Variants in ATP11C observed in about 807,000 individuals in gnomAD.
ATP11C encodes ATPase phospholipid transporting 11C (ATP11C blood group).
Under a neutral mutation model 97.4 loss-of-function variants are expected in ATP11C, and 36 were observed. That is an observed-to-expected ratio of 0.37 (90% CI 0.28 to 0.49). ATP11C has a LOEUF of 0.49. ATP11C is among the 20% of genes least tolerant of loss of function. The pLI is 0.98. For synonymous variants in ATP11C, 275 were observed against 290.9 expected (o/e 0.95, Z 0.56); for missense variants, 730 against 824.6 (o/e 0.89, Z 1.40).
intron 5 of ATP11C, among the ~76,000 whole-genome samples, chrX:139,808,035 T>C (rs1389540076): frequency 9.2e-6 from 1 of 108,546 alleles, no homozygotes; most frequent in East Asian, 2.9e-4. Flanking sequence ...GAACGAAGAA[T>C]GCTGGCAGAG....
intron 1 of ATP11C, among the ~76,000 whole-genome samples, chrX:139,877,614 G>C (rs945429960): frequency 8.9e-6 from 1 of 112,102 alleles, no homozygotes; most frequent in Non-Finnish European, 1.9e-5. Context: ...TTGCGTCCCA[G>C]TGCGGCAGTG....
intron 25 of ATP11C, 46 bp from the exon 26 acceptor site, chrX:139,743,670 T>C (rs1258164530): frequency 7.7e-6 from 6 of 776,761 alleles, no homozygotes; most frequent in Non-Finnish European, 1.1e-5. Flanking sequence ...ATACAAGTAT[T>C]ATCTTAGTAT....
At chrX:139,818,199 C>CACT (rs2083328686) in intron 3 of ATP11C, among the ~76,000 whole-genome samples, 1 of 112,055 alleles carries the variant, frequency 8.9e-6, no homozygotes, top group Admixed American at 9.5e-5. Context: ...TGATAACTTA[C>CACT]ACTGTATACC....
chrX:139,798,594 C>T lies in ATP11C; in HGVS notation c.775+85G>A, dbSNP rs1603373717. The T allele has an allele frequency of 1.0e-5, 8 of 789,392 alleles. 1 individual carries two copies. The East Asian group carries it at 2.5e-4, about 25-fold the overall frequency. 65.1% of individuals were successfully genotyped at this position (789,392 alleles called of 1,213,427 possible). A position where few individuals can be genotyped will look rare whatever the true frequency, so the allele number is the denominator to read the frequency against. On this transcript the variant is annotated intron_variant, in intron 9 of 29. Coordinates refer to ENST00000682941, the MANE Select transcript of ATP11C (RefSeq NM_001353812.2). The stretch of plus-strand genomic sequence containing the variant: ...AGGTTTAAATTAAATGGCAAACCTG[C>T]CATGTTTACTTTTTAATATGCACTA...
chrX:139,781,162 C>T (rs1031031674), intron 18 of ATP11C, among the ~76,000 whole-genome samples: 1 of 111,529 alleles, frequency 9.0e-6, no homozygotes, highest in Admixed American at 9.5e-5. Flanking sequence ...AAGAGAAAAA[C>T]GATACTTTCC....
intron 1 of ATP11C, among the ~76,000 whole-genome samples, chrX:139,853,826 C>T (rs1762326651): frequency 1.5e-5 from 1 of 68,324 alleles, no homozygotes; most frequent in Non-Finnish European, 2.6e-5. Context: ...TCAGAACTAT[C>T]CTAAGTCAAA....
chrX:139,868,141 A>T (rs774969458), intron 1 of ATP11C, among the ~76,000 whole-genome samples: 1 of 111,924 alleles, frequency 8.9e-6, no homozygotes, highest in Non-Finnish European at 1.9e-5. Context: ...ACCATACATG[A>T]AAATCAACAC....
chrX:139,802,420 ATTTAG>A (rs1425792655), intron 6 of ATP11C, 81 bp from the exon 7 acceptor site: 5 of 553,489 alleles, frequency 9.0e-6, no homozygotes, highest in Non-Finnish European at 1.5e-5. Flanking sequence ...TCAGAAACAA[ATTTAG>A]TTTATGTTTT....
intron 2 of ATP11C, among the ~76,000 whole-genome samples, chrX:139,821,219 G>T (rs2083403089): frequency 8.9e-6 from 1 of 111,984 alleles, no homozygotes; most frequent in Non-Finnish European, 1.9e-5. Context: ...TGGAGTCCAA[G>T]AAGTTCCTTA....
At position 139,826,782 on chromosome X, in the gene ATP11C, A is replaced by G. The variant is rs750909003; in HGVS notation, c.69T>C (p.Phe23=). Residue 23 remains phenylalanine, a synonymous_variant, in exon 2 of 30, where the codon TTT becomes TTC. Transcript: ENST00000682941. ...EEKRVGTRTV[F]VGNHPVSETE... is the part of the protein sequence containing the mutation. ...TTTCCGAAACTGGATGATTGCCAAC[A>G]AACACTGTGCGTGTGCCAACTCGTT... 20 of 1,207,348 alleles carry G rather than the reference A, an allele frequency of 1.7e-5. No homozygotes were observed. The highest frequency in any genetic ancestry group is 2.2e-5 in the Non-Finnish European group (20 of 893,271).
At chrX:139,837,273 C>G (rs1465120553) in intron 1 of ATP11C, among the ~76,000 whole-genome samples, 2 of 111,668 alleles carry the variant, frequency 1.8e-5, no homozygotes, top group Non-Finnish European at 3.8e-5. Context: ...TATCTAGAAC[C>G]ATTATAAGAA....
chrX:139,911,669 A>ACC (rs978646615), intron 1 of ATP11C, among the ~76,000 whole-genome samples: 1 of 110,609 alleles, frequency 9.0e-6, no homozygotes, highest in Non-Finnish European at 1.9e-5. Flanking sequence ...ACACACACAC[A>ACC]CCCCACAAGA....
chrX:139,930,624 C>G (rs948253699), intron 1 of ATP11C, among the ~76,000 whole-genome samples: 2 of 111,898 alleles, frequency 1.8e-5, no homozygotes, highest in African/African-American at 6.5e-5. Context: ...TAGTCACTTG[C>G]TTCAGCAAAG....
chrX:139,817,378 G>C (rs997452987), intron 3 of ATP11C, among the ~76,000 whole-genome samples: 1 of 112,268 alleles, frequency 8.9e-6, no homozygotes, highest in Non-Finnish European at 1.9e-5. Flanking sequence ...GAGTTAACTA[G>C]ACGAAAGGTA....
intron 12 of ATP11C, among the ~76,000 whole-genome samples, chrX:139,794,513 A>G (rs1296188835): frequency 1.8e-5 from 2 of 112,146 alleles, no homozygotes; most frequent in African/African-American, 6.5e-5. Flanking sequence ...TGGTCTGGCT[A>G]TTAACTTGAT....
Position 139,768,426 on chromosome X carries a change from G to A in ATP11C, c.2225C>T (p.Thr742Ile). The A allele has an allele frequency of 1.8e-6, 2 of 1,102,070 alleles. No individual in the cohort carries two copies. Among genetic ancestry groups the A allele is most frequent in the Admixed American group, 2.9e-5 (1 of 33,960 alleles). The allele number at this position is 1,102,070 out of a possible 1,213,427, so 90.8% of individuals were successfully genotyped here. The change falls in exon 20 of 30, where the codon ACA becomes ATA. Residue 742 changes from threonine (T) to isoleucine (I), a missense_variant. Transcript: ENST00000682941. ...KSTRSFKKAW[T>I]EHQEYGLIID... ...GATTAATCCATATTCCTGATGTTCT[G>A]TCCATGCTCTGAAAAAGAGAAACAA...
chrX:139,828,389 T>C (rs143174359), intron 1 of ATP11C, among the ~76,000 whole-genome samples: 1,332 of 111,871 alleles, frequency 0.012, 13 homozygotes, highest in Middle Eastern at 0.018. Context: ...CACAGCTTAC[T>C]GATAAGAGCA....
chrX:139,770,246 A>T (rs1269791177), intron 19 of ATP11C, among the ~76,000 whole-genome samples: 1 of 112,280 alleles, frequency 8.9e-6, no homozygotes, highest in Non-Finnish European at 1.9e-5. Flanking sequence ...AGAAGCATAC[A>T]TGAGAGAACT....
chrX:139,752,131 C>G (rs1392318500), intron 23 of ATP11C, among the ~76,000 whole-genome samples: 1 of 111,562 alleles, frequency 9.0e-6, no homozygotes, highest in Non-Finnish European at 1.9e-5. Context: ...CCCTTACCTC[C>G]AGGTCTCTGC....
Sources: gnomAD v4.1 joint callset for allele counts (sites outside exome capture counted in the v4.1 genomes callset) on GRCh38, gnomAD v4.1.1 for gene constraint, MANE v1.5 for transcripts, NCBI Gene and HGNC (gene_info 2026-07-23, HGNC 2026-07-21) for gene names.